RHBDD1: variants seen among roughly 807,000 people sequenced by gnomAD.
The protein encoded by RHBDD1 is rhomboid-related protein 4.
In RHBDD1, 38 loss-of-function variants were observed where a neutral mutation model predicts 36.3. That is an observed-to-expected ratio of 1.05 (90% confidence interval 0.81 to 1.37). The LOEUF (loss-of-function observed/expected upper bound fraction) is 1.37, where lower values mean the gene tolerates loss of function less well. Among genes scored for constraint, RHBDD1 ranks in the 40% most tolerant of loss-of-function variants. The pLI is 0.00. For synonymous variants in RHBDD1, 151 were observed against 136.5 expected (o/e 1.11, Z -0.74); for missense variants, 393 against 377.6 (o/e 1.04, Z -0.34).
At chr2:226,942,528 C>CG (rs753233322) in intron 8 of RHBDD1, 2 of 368,566 alleles carry the variant, frequency 5.4e-6, no homozygotes, top group Middle Eastern at 7.2e-4. Context: ...CGTGAGCCAC[C>CG]GTGCCCAGCC....
At chr2:226,918,159 A>T (rs1400091843) in intron 8 of RHBDD1, among the ~76,000 whole-genome samples, 2 of 151,992 alleles carry the variant, frequency 1.3e-5, no homozygotes, top group African/African-American at 4.8e-5. Context: ...TAGTTTGTTC[A>T]TCTCACTACA....
chr2:226,928,854 A>G (rs192860017), intron 8 of RHBDD1, among the ~76,000 whole-genome samples: 1 of 152,244 alleles, frequency 6.6e-6, no homozygotes, highest in Non-Finnish European at 1.5e-5. Flanking sequence ...ACAAAAGACC[A>G]TTTGAGATTA....
intron 8 of RHBDD1, among the ~76,000 whole-genome samples, chr2:226,985,773 G>A (rs1956800213): frequency 6.6e-6 from 1 of 152,234 alleles, no homozygotes; most frequent in Non-Finnish European, 1.5e-5. Context: ...AATGAGGGGT[G>A]CAGAACCCAG....
chr2:226,916,621 G>A (rs913704830), intron 8 of RHBDD1, among the ~76,000 whole-genome samples: 1 of 152,290 alleles, frequency 6.6e-6, no homozygotes, highest in African/African-American at 2.4e-5. Context: ...GACATCTTCT[G>A]ATTATTATCT....
chr2:226,836,040 A>G (rs1177487421), upstream of RHBDD1: 1 of 152,622 alleles, frequency 6.6e-6, no homozygotes, highest in Non-Finnish European at 1.5e-5. Context: ...GTGCGTGATG[A>G]CGCACGTGCG....
chr2:226,852,247 T>G (rs2125090924), intron 3 of RHBDD1, among the ~76,000 whole-genome samples: 1 of 152,352 alleles, frequency 6.6e-6, no homozygotes, highest in Middle Eastern at 3.4e-3. Context: ...TTGAAATCAC[T>G]TTCCCATAGT....
At chr2:226,978,728 G>A (rs573674091) in intron 8 of RHBDD1, among the ~76,000 whole-genome samples, 9 of 152,332 alleles carry the variant, frequency 5.9e-5, no homozygotes, top group South Asian at 2.1e-4. Context: ...ATCATGTGCT[G>A]TGAAGGGAGG....
intron 5 of RHBDD1, chr2:226,869,217 T>A (rs1037345033): frequency 1.0e-6 from 1 of 981,204 alleles, no homozygotes; most frequent in African/African-American, 1.7e-5. Flanking sequence ...GAGGCACCGG[T>A]AATTCTGAGC....
At chr2:226,892,417 T>G (rs531761983) in intron 5 of RHBDD1, among the ~76,000 whole-genome samples, 1 of 143,304 alleles carries the variant, frequency 7.0e-6, no homozygotes, top group South Asian at 2.1e-4. Flanking sequence ...GCTCTAGGAA[T>G]TCAGGGATTA....
At chr2:226,808,073 G>A in the RHBDD1 span, among the ~76,000 whole-genome samples, 2 of 152,114 alleles carry the variant, frequency 1.3e-5, no homozygotes, top group African/African-American at 2.4e-5. Context: ...GGGGAGGACA[G>A]GGGTAGTGGC....
intron 7 of RHBDD1, among the ~76,000 whole-genome samples, chr2:226,912,866 A>G (rs1475623283): frequency 6.6e-6 from 1 of 152,192 alleles, no homozygotes; most frequent in Admixed American, 6.5e-5. Context: ...TGTCAATTAT[A>G]TATCAATAAA....
chr2:226,849,282 G>A (rs186585165), intron 3 of RHBDD1, among the ~76,000 whole-genome samples: 34 of 152,334 alleles, frequency 2.2e-4, no homozygotes, highest in Non-Finnish European at 4.3e-4. Context: ...AAGGTATAAG[G>A]AAAACACACC....
At chr2:226,886,016 CAG>C (rs1320563491) in intron 5 of RHBDD1, among the ~76,000 whole-genome samples, 6 of 152,148 alleles carry the variant, frequency 3.9e-5, no homozygotes, top group Non-Finnish European at 8.8e-5. Flanking sequence ...GTACTCAGAA[CAG>C]TGTGTGATAT....
At chr2:226,881,225 C>G (rs886200795) in intron 5 of RHBDD1, among the ~76,000 whole-genome samples, 2 of 152,178 alleles carry the variant, frequency 1.3e-5, no homozygotes, top group Non-Finnish European at 2.9e-5. Context: ...TCCACCTGGT[C>G]TCTCCCTTGA....
At chr2:226,956,090 G>T (rs528366460) in intron 8 of RHBDD1, among the ~76,000 whole-genome samples, 11 of 152,160 alleles carry the variant, frequency 7.2e-5, no homozygotes, top group Non-Finnish European at 1.5e-4. Context: ...GAGTTGCACA[G>T]ATTGTATGAT....
intron 8 of RHBDD1, among the ~76,000 whole-genome samples, chr2:226,939,276 C>G (rs1416116056): frequency 6.6e-6 from 1 of 152,144 alleles, no homozygotes; most frequent in Non-Finnish European, 1.5e-5. Context: ...AAGTTCCGGC[C>G]AGGGCAATCG....
At chr2:226,973,092 G>A (rs950213212) in intron 8 of RHBDD1, among the ~76,000 whole-genome samples, 1 of 152,186 alleles carries the variant, frequency 6.6e-6, no homozygotes, top group African/African-American at 2.4e-5. Context: ...CCTCACAGAA[G>A]TTCCTCCCTG....
At chr2:226,891,483 A>C (rs1380364823) in intron 5 of RHBDD1, among the ~76,000 whole-genome samples, 1 of 152,234 alleles carries the variant, frequency 6.6e-6, no homozygotes, top group African/African-American at 2.4e-5. Flanking sequence ...GGTTCCACCT[A>C]TGCTCATTGG....
At chr2:226,860,147 C>T (rs999142751) in intron 3 of RHBDD1, among the ~76,000 whole-genome samples, 2 of 152,066 alleles carry the variant, frequency 1.3e-5, no homozygotes, top group Non-Finnish European at 2.9e-5. Context: ...GATGGAAATC[C>T]CATGTCTTGA....
Sources: allele counts gnomAD v4.1 joint callset (sites outside exome capture counted in the v4.1 genomes callset), GRCh38; gene constraint gnomAD v4.1.1; transcripts MANE v1.5; gene names NCBI Gene and HGNC (gene_info 2026-07-23, HGNC 2026-07-21).